SPART: variants seen among roughly 807,000 people sequenced by gnomAD.
SPART encodes the protein spastic paraplegia 20 (Troyer syndrome).
A neutral mutation model predicts 58.7 loss-of-function variants in SPART; 35 were observed. The ratio of observed to expected loss-of-function variants is 0.60; its 90% CI spans 0.46 to 0.79. The LOEUF is 0.79. Among genes scored for constraint, SPART ranks in the 30% least tolerant of loss-of-function variants. The probability of loss-of-function intolerance (pLI) is 0.00; values close to 1 mark genes in which losing one functional copy is unlikely to be tolerated. For missense variants in SPART, 730 were observed against 786.1 expected (o/e 0.93, Z 0.85); for synonymous variants, 284 against 280.7 (o/e 1.01, Z -0.12).
Position 36,312,449 on chromosome 13 carries a change from G to A in SPART, c.1512C>T (p.Cys504=), listed in dbSNP as rs376411341. The A allele has an allele frequency of 1.6e-5, 26 of 1,613,998 alleles. No individual in the cohort carries two copies. Among genetic ancestry groups the A allele is most frequent in the Middle Eastern group, 1.6e-4 (1 of 6,062 alleles). The change falls in exon 7 of 9, where the codon TGC becomes TGT. Residue 504 remains cysteine (C), a synonymous_variant. Transcript: ENST00000438666. ...LVDGVCTVAN[C]VGKELAPHVK... is the part of the protein sequence containing the mutation. ...CATGTGGAGCTAGTTCTTTTCCAAC[G>A]CAATTTGCTACAGTGCAAACTCCAT...
At chr13:36,327,495 T>C (rs1254541271) in intron 4 of SPART, among the ~76,000 whole-genome samples, 1 of 152,208 alleles carries the variant, frequency 6.6e-6, no homozygotes, top group Non-Finnish European at 1.5e-5. Flanking sequence ...TTGATTTTTT[T>C]AGAACAAGAA....
chr13:36,344,749 T>C (rs1884904291), intron 1 of SPART, among the ~76,000 whole-genome samples: 1 of 152,138 alleles, frequency 6.6e-6, no homozygotes, highest in Non-Finnish European at 1.5e-5. Context: ...AAAACCATTA[T>C]CACATTATTT....
rs150163770 is a variant in SPART, at chr13:36,304,571, C to A, written c.1795G>T (p.Val599Leu). The A allele has an allele frequency of 3.2e-4, 521 of 1,614,050 alleles. 1 individual carries two copies. The African/African-American group carries it at 6.0e-3, about 19-fold the overall frequency. Residue 599 changes from valine to leucine, a missense_variant, in exon 9 of 9, where the codon GTA becomes TTA. Physicochemically the swap from Val to Leu is conservative, Grantham distance 32. Transcript: ENST00000438666. ...HAVDSAVNVG[V>L]TAYNINNIGI... ...ATGTTGTTAATATTGTAGGCAGTTA[C>A]GCCAACATTGACCGCAGAATCCACC...
chr13:36,366,111 C>T (rs1446296205), intron 1 of SPART, among the ~76,000 whole-genome samples: 1 of 152,144 alleles, frequency 6.6e-6, no homozygotes, highest in African/African-American at 2.4e-5. Flanking sequence ...TCCATAGTGC[C>T]TGGAAAAGCA....
At chr13:36,328,660 C>T (rs771366478) in intron 4 of SPART, among the ~76,000 whole-genome samples, 88 of 152,290 alleles carry the variant, frequency 5.8e-4, no homozygotes, top group Non-Finnish European at 1.1e-3. Context: ...AACATTCTAG[C>T]TCTCAATAAA....
In SPART at chr13:36,331,481, A is replaced by G. The variant is rs1692577659; in HGVS notation, c.926T>C (p.Val309Ala). 6.2e-7 allele frequency: 1 copy of G among 1,613,912 alleles called. No homozygotes were observed. Among genetic ancestry groups the G allele is most frequent in the Non-Finnish European group, 8.5e-7 (1 of 1,179,970 alleles). ...MLQAAGCFVG[V>A]VLSSELPEDD... Reference sequence around the variant, plus strand: ...CTCTGGTAACTCAGAGGACAGGACGACCCCCACAAAGCATCCTGCTGCTTG... The same window carrying G: ...CTCTGGTAACTCAGAGGACAGGACGGCCCCCACAAAGCATCCTGCTGCTTG... The change falls in exon 3 of 9, where the codon GTC becomes GCC. Residue 309 changes from valine to alanine, a missense_variant. By Grantham distance (64) the Val-to-Ala change is moderately conservative. Coordinates refer to ENST00000438666, the MANE Select transcript of SPART (RefSeq NM_015087.5).
In SPART at chr13:36,326,638, G is replaced by C. The variant is rs750964344; in HGVS notation, c.1225C>G (p.Pro409Ala). 24 of 1,613,256 alleles carry C rather than the reference G, an allele frequency of 1.5e-5. No homozygotes were observed. The highest frequency in any genetic ancestry group is 5.3e-5 in the African/African-American group (4 of 74,932). Residue 409 changes from proline to alanine, a missense_variant, in exon 5 of 9, where the codon CCA (proline) becomes GCA (alanine). Pro to Ala is a conservative substitution (Grantham distance 27, BLOSUM62 -1). Coordinates refer to ENST00000438666, the MANE Select transcript of SPART (RefSeq NM_015087.5). ...LSHIVPCEPV[P>A]EEKPKELPEW... ...GGTAATTCTTTTGGCTTTTCTTCTG[G>C]AACTGGCTCACATGGTACAATGTGA...
intron 2 of SPART, among the ~76,000 whole-genome samples, chr13:36,333,151 T>C (rs1335470700): frequency 6.6e-6 from 1 of 152,096 alleles, no homozygotes; most frequent in African/African-American, 2.4e-5. Context: ...GACAGGATAT[T>C]ACAGATAAGT....
chr13:36,318,769 C>T (rs1467496582), intron 5 of SPART, among the ~76,000 whole-genome samples: 1 of 152,192 alleles, frequency 6.6e-6, no homozygotes, highest in Non-Finnish European at 1.5e-5. Flanking sequence ...CCCGGGATTC[C>T]TCCTAAGCCC....
At chr13:36,319,895 C>A (rs527726043) in intron 5 of SPART, among the ~76,000 whole-genome samples, 43 of 151,906 alleles carry the variant, frequency 2.8e-4, no homozygotes, top group South Asian at 6.3e-4. Flanking sequence ...CTCATAAAAA[C>A]ACACGTGCTC....
chr13:36,342,383 G>C (rs1169846878), intron 1 of SPART, among the ~76,000 whole-genome samples: 1 of 152,140 alleles, frequency 6.6e-6, no homozygotes, highest in African/African-American at 2.4e-5. Flanking sequence ...AGAAGAATGT[G>C]CAACAGAGAT....
chr13:36,367,434 C>A (rs539550407), intron 1 of SPART, among the ~76,000 whole-genome samples: 5 of 152,262 alleles, frequency 3.3e-5, no homozygotes, highest in African/African-American at 9.6e-5. Context: ...CTATGCAAAT[C>A]AAACACCGCC....
intron 1 of SPART, among the ~76,000 whole-genome samples, chr13:36,357,574 C>A (rs1885673042): frequency 6.6e-6 from 1 of 152,056 alleles, no homozygotes; most frequent in Non-Finnish European, 1.5e-5. Flanking sequence ...ATAAAAGGAA[C>A]CTATAAGTGG....
intron 1 of SPART, among the ~76,000 whole-genome samples, chr13:36,369,936 GTGGCC>G (rs1403587522): frequency 6.6e-6 from 1 of 152,176 alleles, no homozygotes; most frequent in Non-Finnish European, 1.5e-5. Flanking sequence ...TGACGATGTT[GTGGCC>G]TGGTCAGGGA....
chr13:36,363,888 C>A (rs1193169433), intron 1 of SPART, among the ~76,000 whole-genome samples: 7 of 152,088 alleles, frequency 4.6e-5, no homozygotes, highest in Non-Finnish European at 1.0e-4. Flanking sequence ...TAACACCTTA[C>A]ATAACCATAG....
intron 5 of SPART, among the ~76,000 whole-genome samples, chr13:36,324,420 A>G (rs1035981033): frequency 1.2e-4 from 19 of 152,122 alleles, no homozygotes; most frequent in African/African-American, 4.1e-4. Context: ...CTAGACTTTG[A>G]CCTCTCCCAG....
intron 1 of SPART, among the ~76,000 whole-genome samples, chr13:36,337,043 G>A (rs1262986746): frequency 6.6e-6 from 1 of 152,176 alleles, no homozygotes; most frequent in Non-Finnish European, 1.5e-5. Context: ...CATGGCCTTT[G>A]GAAATGTTCT....
At position 36,304,542 on chromosome 13, in the gene SPART, A is replaced by T; in HGVS notation, c.1824T>A (p.Gly608=). ...GVTAYNINNI[G]IKAMVKKTAT... ...CAGTTTTCTTCACCATTGCTTTGAT[A>T]CCAATGTTGTTAATATTGTAGGCAG... Residue 608 remains glycine (G), a synonymous_variant, in exon 9 of 9, where the codon GGT becomes GGA. Coordinates refer to ENST00000438666, the MANE Select transcript of SPART (RefSeq NM_015087.5). 6.2e-7 allele frequency: 1 copy of T among 1,614,148 alleles called. No individual in the cohort carries two copies. The highest frequency in any genetic ancestry group is 1.7e-5 in the Admixed American group (1 of 60,012).
intron 1 of SPART, among the ~76,000 whole-genome samples, chr13:36,341,363 T>C (rs1884569550): frequency 6.6e-6 from 1 of 152,228 alleles, no homozygotes; most frequent in Admixed American, 6.5e-5. Context: ...AGTATCTTAT[T>C]TATCCAAATA....
Sources: allele counts gnomAD v4.1 joint callset (sites outside exome capture counted in the v4.1 genomes callset), GRCh38; gene constraint gnomAD v4.1.1; transcripts MANE v1.5; gene names NCBI Gene and HGNC (gene_info 2026-07-23, HGNC 2026-07-21).